Variants in RNF17 observed in about 807,000 individuals in gnomAD.
RNF17 encodes the protein spermatogenesis associated 23.
In RNF17, 31 loss-of-function variants were observed where a neutral mutation model predicts 200.5. The ratio of observed to expected loss-of-function variants is 0.15; its 90% CI spans 0.12 to 0.21. The LOEUF (loss-of-function observed/expected upper bound fraction) is 0.21. Among genes scored for constraint, RNF17 ranks in the 10% least tolerant of loss-of-function variants. The pLI is 1.00. For missense variants in RNF17, 1,628 were observed against 1,905.1 expected (o/e 0.85, Z 2.71); for synonymous variants, 606 against 637.8 (o/e 0.95, Z 0.75).
chr13:24,806,677 T>G (rs1404913322), intron 15 of RNF17, among the ~76,000 whole-genome samples: 1 of 152,104 alleles, frequency 6.6e-6, no homozygotes, highest in Admixed American at 6.5e-5. Flanking sequence ...CTTTAAGTTT[T>G]AGGGTACATG....
the RNF17 span, among the ~76,000 whole-genome samples, chr13:24,757,373 G>C: frequency 6.6e-6 from 1 of 151,100 alleles, no homozygotes; most frequent in Non-Finnish European, 1.5e-5. Flanking sequence ...ACCCAGGCTG[G>C]AGTACAGTGG....
At chr13:24,870,330 C>A (rs1393137322) in intron 31 of RNF17, among the ~76,000 whole-genome samples, 1 of 152,024 alleles carries the variant, frequency 6.6e-6, no homozygotes, top group East Asian at 1.9e-4. Context: ...GCGATCCTCC[C>A]ACCTCAGCCT....
At chr13:24,775,166 TAAAGTTACTC>T (rs1430381677) in intron 3 of RNF17, among the ~76,000 whole-genome samples, 1 of 152,210 alleles carries the variant, frequency 6.6e-6, no homozygotes, top group Non-Finnish European at 1.5e-5. Flanking sequence ...GTACACTGGC[TAAAGTTACTC>T]GTGCTGGATG....
At chr13:24,832,308 AGT>A (rs1396806025) in intron 18 of RNF17, among the ~76,000 whole-genome samples, 1 of 152,178 alleles carries the variant, frequency 6.6e-6, no homozygotes, top group African/African-American at 2.4e-5. Flanking sequence ...TTTCCAGGAA[AGT>A]GAGGGGAGGT....
rs907456550 is a variant in RNF17 at position 24,804,399 on chromosome 13, A to G, written c.2061A>G (p.Ile687Met). 2 of 1,612,456 alleles carry G rather than the reference A, an allele frequency of 1.2e-6. No individual in the cohort carries two copies. The highest frequency in any genetic ancestry group is 1.7e-6 in the Non-Finnish European group (2 of 1,178,674). ...ATGTTTCAGTAACGGTTTGTCATAT[A>G]AATAGTCCTGGAGATTTCTATCTTC... ...MTDVSVTVCHINSPGDFYLQL... is the reference protein window; with the variant it reads ...MTDVSVTVCHMNSPGDFYLQL... Residue 687 changes from isoleucine to methionine, a missense_variant, in exon 15 of 36, where the codon ATA (isoleucine) becomes ATG (methionine). By Grantham distance (10) the Ile-to-Met change is conservative. Around this residue, in one of 5 missense-constraint regions of RNF17, gnomAD observed 289 missense variants for 384.9 expected, o/e 0.75. Coordinates refer to ENST00000255324, the MANE Select transcript of RNF17 (RefSeq NM_031277.3).
chr13:24,765,566 A>G (rs754916984), intron 1 of RNF17, among the ~76,000 whole-genome samples: 4 of 152,258 alleles, frequency 2.6e-5, no homozygotes, highest in Non-Finnish European at 5.9e-5. Context: ...CTTGGGGTTT[A>G]GATCACTGCT....
At chr13:24,866,876 T>A (rs1302104718) in intron 30 of RNF17, among the ~76,000 whole-genome samples, 1 of 152,188 alleles carries the variant, frequency 6.6e-6, no homozygotes, top group Admixed American at 6.5e-5. Context: ...ATTTTACATG[T>A]ATGTCAGTAG....
chr13:24,841,230 G>A (rs1890612950), intron 18 of RNF17, among the ~76,000 whole-genome samples: 1 of 152,154 alleles, frequency 6.6e-6, no homozygotes, highest in Non-Finnish European at 1.5e-5. Flanking sequence ...AAGTTAGATG[G>A]TTTGTCCTAA....
chr13:24,799,465 A>C lies in RNF17; in HGVS notation c.1470A>C (p.Pro490=). ...WCRGTITELI[P]IEGRNTRKPC... ...GAGGAACTATCACAGAATTAATTCC[A>C]ATAGAGGGTAGAAATACCAGAAAAC... Residue 490 remains proline (P), a synonymous_variant, in exon 12 of 36, where the codon CCA becomes CCC. Coordinates refer to ENST00000255324, the MANE Select transcript of RNF17 (RefSeq NM_031277.3). 6.2e-7 allele frequency: 1 copy of C among 1,610,612 alleles called. No homozygotes were observed.
intron 18 of RNF17, among the ~76,000 whole-genome samples, chr13:24,836,636 T>C (rs1890025465): frequency 6.6e-6 from 1 of 152,156 alleles, no homozygotes; most frequent in African/African-American, 2.4e-5. Context: ...AAAGATACAG[T>C]CTTTTTCAGA....
At chr13:24,850,275 TTTTTTGTATATTTCAA>T in intron 22 of RNF17, 50 bp from the exon 23 acceptor site, 1 of 1,015,188 alleles carries the variant, frequency 9.9e-7, no homozygotes, top group Non-Finnish European at 1.5e-6. Context: ...AAATATAGTG[TTTTTTGTATATTTCAA>T]TATTGTATGC....
intron 27 of RNF17, 146 bp downstream of exon 27, chr13:24,861,533 A>G: frequency 2.0e-6 from 1 of 508,802 alleles, no homozygotes; most frequent in Non-Finnish European, 3.2e-6. Context: ...TAAGACAGCT[A>G]AACAGCCTTT....
At position 24,769,028 on chromosome 13, in the gene RNF17, C is replaced by T. The variant is rs201399895; in HGVS notation, c.225+1662C>T. 6.7e-4 allele frequency among the ~76,000 whole-genome samples: 88 copies of T among 132,258 alleles called. 1 individual carries two copies. The East Asian group carries it at 0.014, about 21-fold the overall frequency. 86.8% of individuals were successfully genotyped at this position (132,258 alleles called of 152,430 possible). A position where few individuals can be genotyped will look rare whatever the true frequency, so the allele number is the denominator to read the frequency against. ...TTTTTTTGACATGGAGCTCCTTAGA[C>T]GTGGCTGGCTATGTGGGTAAGACGA... is the stretch of plus-strand genomic sequence containing the variant. On this transcript the variant is annotated intron_variant, in intron 2 of 35. Transcript: ENST00000255324.
At chr13:24,849,852 A>G (rs1298671414) in intron 22 of RNF17, among the ~76,000 whole-genome samples, 3 of 152,184 alleles carry the variant, frequency 2.0e-5, no homozygotes, top group African/African-American at 7.2e-5. Flanking sequence ...AGAACTTCCA[A>G]AGATGGGCAG....
chr13:24,818,448 T>A (rs1169275936), intron 15 of RNF17, among the ~76,000 whole-genome samples: 1 of 152,208 alleles, frequency 6.6e-6, no homozygotes, highest in Admixed American at 6.5e-5. Flanking sequence ...ATACTCTGTC[T>A]GGATGTTTTA....
At chr13:24,751,258 T>C in the RNF17 span, 1 of 151,912 alleles carries the variant, frequency 6.6e-6, no homozygotes, top group African/African-American at 2.4e-5. Flanking sequence ...TCCATCATCA[T>C]CGTCAGCAGA....
At chr13:24,789,510 T>C (rs1198435351) in intron 8 of RNF17, 86 bp downstream of exon 8, 3 of 1,093,328 alleles carry the variant, frequency 2.7e-6, no homozygotes, top group East Asian at 4.8e-5. Flanking sequence ...TAATAATAAA[T>C]TGAAATTTTG....
At chr13:24,788,654 TCAGC>T (rs1041964817) in intron 7 of RNF17, among the ~76,000 whole-genome samples, 4 of 152,168 alleles carry the variant, frequency 2.6e-5, no homozygotes, top group African/African-American at 7.2e-5. Context: ...AGAGACAGCT[TCAGC>T]CATCTCCTAT....
intron 3 of RNF17, among the ~76,000 whole-genome samples, chr13:24,775,273 G>C (rs1881401019): frequency 6.6e-6 from 1 of 152,080 alleles, no homozygotes; most frequent in Admixed American, 6.5e-5. Context: ...TTTAAAGACA[G>C]GGTCTCACTC....
Sources: gnomAD v4.1 joint callset for allele counts (sites outside exome capture counted in the v4.1 genomes callset) on GRCh38, gnomAD v4.1.1 for gene constraint, gnomAD v4.1.1 regional missense constraint, MANE v1.5 for transcripts, NCBI Gene and HGNC (gene_info 2026-07-23, HGNC 2026-07-21) for gene names.